The following ZSWIM5 variants were observed in gnomAD, a reference collection of about 807,000 sequenced individuals.
ZSWIM5 encodes the protein zinc finger SWIM-type containing 5, also known as zinc finger SWIM domain-containing protein 5.
In ZSWIM5, 55 loss-of-function variants were observed where a neutral mutation model predicts 119.6. The observed-to-expected ratio is 0.46, with a 90% CI of 0.37 to 0.58. ZSWIM5 has a LOEUF of 0.58. ZSWIM5 is among the 20% of genes least tolerant of loss of function. The pLI is 0.00. For missense variants in ZSWIM5, 1,193 were observed against 1,512.8 expected (o/e 0.79, Z 3.51); for synonymous variants, 537 against 606.9 (o/e 0.88, Z 1.69).
chr1:45,139,796 C>A (rs1432354157), intron 1 of ZSWIM5, among the ~76,000 whole-genome samples: 2 of 149,228 alleles, frequency 1.3e-5, no homozygotes, highest in Admixed American at 1.3e-4. Context: ...ACCTCAGCCT[C>A]CCAAAATTCT....
At chr1:45,114,016 C>T (rs1645532493) in intron 1 of ZSWIM5, among the ~76,000 whole-genome samples, 1 of 152,152 alleles carries the variant, frequency 6.6e-6, no homozygotes, top group Non-Finnish European at 1.5e-5. Context: ...ATTCACTTGG[C>T]CAACCATTCA....
intron 2 of ZSWIM5, among the ~76,000 whole-genome samples, chr1:45,086,237 G>A (rs897420065): frequency 2.0e-5 from 3 of 152,104 alleles, no homozygotes; most frequent in Non-Finnish European, 2.9e-5. Flanking sequence ...AGAACAGAGA[G>A]GGGGAAATCT....
intron 1 of ZSWIM5, among the ~76,000 whole-genome samples, chr1:45,116,343 T>C (rs541915971): frequency 1.3e-5 from 2 of 152,304 alleles, no homozygotes; most frequent in Admixed American, 1.3e-4. Flanking sequence ...TCGATACGGT[T>C]GTCAGTTTTT....
chr1:45,168,227 G>C (rs1214773554), intron 1 of ZSWIM5, among the ~76,000 whole-genome samples: 2 of 151,952 alleles, frequency 1.3e-5, no homozygotes, highest in Non-Finnish European at 2.9e-5. Flanking sequence ...CGCAAGGACA[G>C]AAAACCAAAC....
chr1:45,188,869 C>G (rs12129373), intron 1 of ZSWIM5, among the ~76,000 whole-genome samples: 3,318 of 152,336 alleles, frequency 0.022, 40 homozygotes, highest in Non-Finnish European at 0.034. Context: ...CTTTTCAATT[C>G]TAATCTCCAA....
In ZSWIM5 at chr1:45,019,964, A is replaced by G; in HGVS notation, c.2695+102T>C. The G allele has an allele frequency of 7.9e-6, 8 of 1,007,494 alleles. No homozygotes were observed. Among genetic ancestry groups the G allele is most frequent in the Non-Finnish European group, 1.2e-5 (8 of 661,742 alleles). The allele number at this position is 1,007,494 out of a possible 1,614,324, so 62.4% of individuals were successfully genotyped here. On this transcript the variant is annotated intron_variant, in intron 13 of 13. Coordinates refer to ENST00000359600, the MANE Select transcript of ZSWIM5 (RefSeq NM_020883.2). The surrounding 1 kb of genome is among the most constrained non-coding windows in gnomAD (Gnocchi z 5.0). ...TAGGCCATCTCCTGATGGACCTAAGATCTCATAGGAATATGAGAGCTCTAA... is the reference window on the plus strand; with the variant it reads ...TAGGCCATCTCCTGATGGACCTAAGGTCTCATAGGAATATGAGAGCTCTAA...
intron 2 of ZSWIM5, among the ~76,000 whole-genome samples, chr1:45,085,878 G>A (rs1364545849): frequency 1.3e-5 from 2 of 152,056 alleles, no homozygotes; most frequent in Non-Finnish European, 2.9e-5. Context: ...TCTAACCTCT[G>A]CCACTTTTCT....
chr1:45,022,466 G>A (rs1023045534), intron 11 of ZSWIM5, among the ~76,000 whole-genome samples: 1 of 152,168 alleles, frequency 6.6e-6, no homozygotes, highest in African/African-American at 2.4e-5. Context: ...GATACATAGT[G>A]TGTGTGCATA....
At chr1:45,100,487 T>C (rs896131989) in intron 1 of ZSWIM5, among the ~76,000 whole-genome samples, 8 of 152,190 alleles carry the variant, frequency 5.3e-5, no homozygotes, top group African/African-American at 7.2e-5. Flanking sequence ...AAGTAATTTA[T>C]AGATTGAATG....
chr1:45,065,669 C>T (rs1645178367), intron 2 of ZSWIM5, among the ~76,000 whole-genome samples: 1 of 152,010 alleles, frequency 6.6e-6, no homozygotes, highest in Non-Finnish European at 1.5e-5. Context: ...TGTTTGCTGG[C>T]CTACAATGGA....
intron 2 of ZSWIM5, among the ~76,000 whole-genome samples, chr1:45,065,712 A>G (rs1008979878): frequency 6.6e-6 from 1 of 152,166 alleles, no homozygotes; most frequent in Non-Finnish European, 1.5e-5. Flanking sequence ...AAAATGGGTG[A>G]CAGCAGCAAA....
Position 45,081,237 on chromosome 1 carries a change from AG to A in ZSWIM5, c.952+6643del, listed in dbSNP as rs1645287622. The stretch of plus-strand genomic sequence containing the variant: ...AACTGTTTATCAGAAATCTTTATCT[AG>A]CTCCCTCTCCCTCTCCCTCTCCCTC... On this transcript the variant is annotated intron_variant, in intron 2 of 13. Coordinates refer to ENST00000359600, the MANE Select transcript of ZSWIM5 (RefSeq NM_020883.2). 3.7e-5 allele frequency among the ~76,000 whole-genome samples: 5 copies of A among 136,462 alleles called. No individual in the cohort carries two copies. The East Asian group carries it at 1.0e-3, about 27-fold the overall frequency. The allele number at this position is 136,462 out of a possible 152,430, so 89.5% of individuals were successfully genotyped here.
intron 11 of ZSWIM5, among the ~76,000 whole-genome samples, chr1:45,031,050 C>T (rs981706803): frequency 1.3e-5 from 2 of 151,216 alleles, no homozygotes; most frequent in Non-Finnish European, 3.0e-5. Flanking sequence ...CCACCTACCT[C>T]GGCTCCCACA....
chr1:45,147,011 C>T (rs1239069959), intron 1 of ZSWIM5, among the ~76,000 whole-genome samples: 2 of 151,138 alleles, frequency 1.3e-5, no homozygotes, highest in Admixed American at 1.3e-4. Flanking sequence ...TCCCAATGGA[C>T]AAAAATGATA....
chr1:45,038,800 T>A, intron 8 of ZSWIM5, 136 bp downstream of exon 8: 1 of 1,016,064 alleles, frequency 9.8e-7, no homozygotes, highest in Middle Eastern at 3.3e-4. Flanking sequence ...TTTGCCATGT[T>A]GCCCAGGCTG....
At chr1:45,100,703 T>C (rs1262380167) in intron 1 of ZSWIM5, among the ~76,000 whole-genome samples, 2 of 152,118 alleles carry the variant, frequency 1.3e-5, no homozygotes, top group African/African-American at 4.8e-5. Context: ...AAAACAGATA[T>C]ACAGACCAAT....
At chr1:45,156,028 T>C (rs952119326) in intron 1 of ZSWIM5, among the ~76,000 whole-genome samples, 3 of 150,944 alleles carry the variant, frequency 2.0e-5, no homozygotes, top group Non-Finnish European at 4.4e-5. Context: ...CCCAAAAACC[T>C]ATGGAAATAA....
chr1:45,069,198 G>T (rs1224173049), intron 2 of ZSWIM5, among the ~76,000 whole-genome samples: 2 of 151,986 alleles, frequency 1.3e-5, no homozygotes, highest in African/African-American at 4.8e-5. Flanking sequence ...AGGCCGAGGT[G>T]GGTGGATCAC....
chr1:45,156,606 G>A (rs1310017679), intron 1 of ZSWIM5, among the ~76,000 whole-genome samples: 1 of 151,824 alleles, frequency 6.6e-6, no homozygotes, highest in Non-Finnish European at 1.5e-5. Context: ...TCTTGGACAT[G>A]CTGAGTTTGA....
Sources: gnomAD v4.1 joint callset for allele counts (sites outside exome capture counted in the v4.1 genomes callset) on GRCh38, gnomAD v4.1.1 for gene constraint, Gnocchi (gnomAD v3.1) non-coding constraint, MANE v1.5 for transcripts, NCBI Gene and HGNC (gene_info 2026-07-23, HGNC 2026-07-21) for gene names.